Variants in DPT observed in about 807,000 individuals in gnomAD.
DPT encodes tyrosine-rich acidic matrix protein.
Under a neutral mutation model 31.2 loss-of-function variants are expected in DPT, and 21 were observed. The ratio of observed to expected loss-of-function variants is 0.67; its 90% CI spans 0.48 to 0.97. The LOEUF (loss-of-function observed/expected upper bound fraction) is 0.97. DPT is among the 50% of genes least tolerant of loss of function. The pLI is 0.00. For missense variants in DPT, 262 were observed against 258.8 expected, an observed-to-expected ratio of 1.01 and a Z score of -0.08; for synonymous variants, 91 against 86.9, an observed-to-expected ratio of 1.05 and a Z score of -0.26.
At position 168,701,084 on chromosome 1, in the gene DPT, C is replaced by T. The variant is rs766507266; in HGVS notation, c.472G>A (p.Asp158Asn). ...TAATCATAATTGTAGGAAATCATGT[C>T]CATTTCCTCACCATAGTGACCTGGA... ...EYPGHYGEEM[D>N]MISYNYDYYI... Residue 158 changes from aspartate (D) to asparagine (N), a missense_variant, in exon 3 of 4, where the codon GAC becomes AAC. Asp to Asn is a conservative substitution (Grantham distance 23). Coordinates refer to ENST00000367817, the MANE Select transcript of DPT (RefSeq NM_001937.5). 2 of 1,613,884 alleles carry T rather than the reference C, an allele frequency of 1.2e-6. No individual in the cohort carries two copies. Among genetic ancestry groups the T allele is most frequent in the Admixed American group, 3.3e-5 (2 of 60,002 alleles).
chr1:168,699,165 G>A (rs1277726874), intron 3 of DPT, among the ~76,000 whole-genome samples: 1 of 151,978 alleles, frequency 6.6e-6, no homozygotes, highest in African/African-American at 2.4e-5. Flanking sequence ...ATTAATTCCT[G>A]CTTTCTTAAA....
At chr1:168,715,704 C>A (rs2101907769) in intron 1 of DPT, among the ~76,000 whole-genome samples, 1 of 152,312 alleles carries the variant, frequency 6.6e-6, no homozygotes, top group Non-Finnish European at 1.5e-5. Context: ...TGTTCTGCCC[C>A]CACACAGCAT....
At chr1:168,725,032 T>C (rs974634410) in intron 1 of DPT, among the ~76,000 whole-genome samples, 3 of 152,232 alleles carry the variant, frequency 2.0e-5, no homozygotes, top group Admixed American at 1.3e-4. Flanking sequence ...ATCAGCCACA[T>C]CAATTTCAGA....
At chr1:168,712,402 T>C (rs1649886588) in intron 2 of DPT, among the ~76,000 whole-genome samples, 1 of 152,240 alleles carries the variant, frequency 6.6e-6, no homozygotes, top group Non-Finnish European at 1.5e-5. Flanking sequence ...AGCCCTGATG[T>C]GTTCCTTTGG....
At position 168,728,927 on chromosome 1, in the gene DPT, C is replaced by T. The variant is rs150749597; in HGVS notation, c.248G>A (p.Ser83Asn). 1.2e-6 allele frequency: 2 copies of T among 1,614,208 alleles called. No individual in the cohort carries two copies. Among genetic ancestry groups the T allele is most frequent in the South Asian group, 1.1e-5 (1 of 91,086 alleles). The change falls in exon 1 of 4, where the codon AGC becomes AAC. Residue 83 changes from serine to asparagine, a missense_variant. Transcript: ENST00000367817. Reference protein sequence around the residue: ...WNYACMPTPQSLGEPTECWWE... With the variant: ...WNYACMPTPQNLGEPTECWWE... ...CCAGCACTCCGTGGGTTCCCCGAGG[C>T]TCTGTGGCGTGGGCATGCAGGCGTA...
intron 1 of DPT, among the ~76,000 whole-genome samples, chr1:168,717,470 G>A (rs1650008030): frequency 6.6e-6 from 1 of 151,962 alleles, no homozygotes; most frequent in Non-Finnish European, 1.5e-5. Flanking sequence ...TTGTCAGATG[G>A]GTAGTTTGCA....
At chr1:168,718,774 C>A (rs1006121029) in intron 1 of DPT, among the ~76,000 whole-genome samples, 1 of 152,198 alleles carries the variant, frequency 6.6e-6, no homozygotes, top group African/African-American at 2.4e-5. Context: ...CCAAATAAGA[C>A]AACGCATGTA....
intron 1 of DPT, among the ~76,000 whole-genome samples, chr1:168,719,609 G>A (rs1650055377): frequency 6.6e-6 from 1 of 152,012 alleles, no homozygotes; most frequent in African/African-American, 2.4e-5. Context: ...GAAACTACTT[G>A]GAGGGAGTTT....
intron 1 of DPT, among the ~76,000 whole-genome samples, chr1:168,714,991 C>A (rs970657500): frequency 2.0e-5 from 3 of 152,224 alleles, no homozygotes; most frequent in East Asian, 3.9e-4. Context: ...ACAGCCATGG[C>A]ATGTTTTTCT....
At chr1:168,712,891 T>C (rs1025981421) in intron 2 of DPT, among the ~76,000 whole-genome samples, 3 of 152,110 alleles carry the variant, frequency 2.0e-5, no homozygotes, top group African/African-American at 7.2e-5. Flanking sequence ...TTTTCCCCCC[T>C]GAAGACAAGG....
At chr1:168,718,648 T>C (rs1180173985) in intron 1 of DPT, among the ~76,000 whole-genome samples, 1 of 152,192 alleles carries the variant, frequency 6.6e-6, no homozygotes, top group Non-Finnish European at 1.5e-5. Flanking sequence ...GCTGGATGGC[T>C]CCACTGTTCT....
intron 1 of DPT, among the ~76,000 whole-genome samples, chr1:168,726,194 T>G (rs146443722): frequency 6.6e-6 from 1 of 152,172 alleles, no homozygotes; most frequent in African/African-American, 2.4e-5. Context: ...TACTAGACAC[T>G]GCACACCCAA....
chr1:168,718,268 A>G (rs1650030376), intron 1 of DPT, among the ~76,000 whole-genome samples: 1 of 152,254 alleles, frequency 6.6e-6, no homozygotes, highest in African/African-American at 2.4e-5. Flanking sequence ...GAACTGTTTC[A>G]TGGAGTACCA....
chr1:168,699,586 C>CT (rs75395550), intron 3 of DPT, among the ~76,000 whole-genome samples: 1,337 of 130,364 alleles, frequency 0.01, 15 homozygotes, highest in African/African-American at 0.031. Flanking sequence ...TACTTAATGT[C>CT]TTTTTTTTTT....
chr1:168,695,985 T>G lies in DPT; in HGVS notation c.*564A>C, dbSNP rs1649457639. 5.1e-6 allele frequency: 2 copies of G among 390,162 alleles called. No homozygotes were observed. Among genetic ancestry groups the G allele is most frequent in the Admixed American group, 8.9e-5 (2 of 22,480 alleles). 24.2% of individuals were successfully genotyped at this position (390,162 alleles called of 1,614,324 possible). ...AACCCTTCCATTTCCCCATTTCACC[T>G]CCCAGTCTCCTCACTCCTGGAGCAA... On this transcript the variant is annotated 3_prime_UTR_variant, in exon 4 of 4. Transcript: ENST00000367817.
chr1:168,698,465 T>A (rs901037595), intron 3 of DPT, among the ~76,000 whole-genome samples: 1 of 152,202 alleles, frequency 6.6e-6, no homozygotes, highest in African/African-American at 2.4e-5. Context: ...ATAAACAAGA[T>A]CTTATGATCA....
intron 1 of DPT, among the ~76,000 whole-genome samples, chr1:168,718,324 G>A (rs1221273859): frequency 6.6e-6 from 1 of 152,216 alleles, no homozygotes; most frequent in Non-Finnish European, 1.5e-5. Flanking sequence ...CCAGCTGTTG[G>A]CCAGGCTGCT....
intron 1 of DPT, among the ~76,000 whole-genome samples, chr1:168,717,721 A>G (rs1353562646): frequency 6.6e-6 from 1 of 151,862 alleles, no homozygotes; most frequent in Non-Finnish European, 1.5e-5. Context: ...ATTAATCTTG[A>G]GTTAATTTTT....
chr1:168,725,934 A>T (rs1044819406), intron 1 of DPT, among the ~76,000 whole-genome samples: 1 of 152,220 alleles, frequency 6.6e-6, no homozygotes, highest in African/African-American at 2.4e-5. Context: ...CCTGTAGCCA[A>T]CGTCAGATGT....
Sources: allele counts gnomAD v4.1 joint callset (sites outside exome capture counted in the v4.1 genomes callset), GRCh38; gene constraint gnomAD v4.1.1; transcripts MANE v1.5; gene names NCBI Gene and HGNC (gene_info 2026-07-23, HGNC 2026-07-21).